BACH2: variants seen among roughly 807,000 people sequenced by gnomAD.
BACH2 encodes transcription regulator protein BACH2.
A neutral mutation model predicts 61.8 loss-of-function variants in BACH2; 5 were observed. The ratio of observed to expected loss-of-function variants is 0.08; its 90% CI spans 0.04 to 0.17. The LOEUF (loss-of-function observed/expected upper bound fraction) is 0.17. Ranked by LOEUF, BACH2 falls within the 10% of genes least tolerant of loss-of-function variation. BACH2 has a pLI of 1.00. For synonymous variants in BACH2, 446 were observed against 440.1 expected (o/e 1.01, Z -0.17); for missense variants, 824 against 1,091.1 (o/e 0.76, Z 3.45).
intron 4 of BACH2, among the ~76,000 whole-genome samples, chr6:90,196,471 T>C (rs1377295336): frequency 6.6e-6 from 1 of 152,212 alleles, no homozygotes; most frequent in Admixed American, 6.5e-5. Flanking sequence ...AAAATTTCAA[T>C]TGTTTAATAT....
intron 6 of BACH2, among the ~76,000 whole-genome samples, chr6:89,976,224 G>A (rs188318162): frequency 4.6e-5 from 7 of 152,334 alleles, no homozygotes; most frequent in African/African-American, 1.7e-4. Context: ...ACTGGCTTGG[G>A]TGCTCTTTGT....
At chr6:90,118,504 G>T (rs1437177073) in intron 4 of BACH2, among the ~76,000 whole-genome samples, 1 of 152,178 alleles carries the variant, frequency 6.6e-6, no homozygotes, top group Non-Finnish European at 1.5e-5. Context: ...CTCTCAGCTG[G>T]TAAGAGTTTT....
chr6:90,288,522 C>T (rs903853576), intron 1 of BACH2, among the ~76,000 whole-genome samples: 2 of 152,078 alleles, frequency 1.3e-5, no homozygotes, highest in South Asian at 2.1e-4. Flanking sequence ...ATGACAACTT[C>T]GGTGTCTGGC....
chr6:90,106,507 T>C (rs1027014086), intron 4 of BACH2, among the ~76,000 whole-genome samples: 4 of 152,226 alleles, frequency 2.6e-5, no homozygotes, highest in African/African-American at 4.8e-5. Context: ...GACTATACCA[T>C]ACAGCCTAGC....
intron 4 of BACH2, among the ~76,000 whole-genome samples, chr6:90,189,523 G>A (rs991384846): frequency 7.3e-5 from 11 of 151,692 alleles, no homozygotes; most frequent in African/African-American, 2.7e-4. Flanking sequence ...CAGGAGAATG[G>A]CGTGAACCCG....
intron 5 of BACH2, among the ~76,000 whole-genome samples, chr6:90,053,683 T>A (rs958725995): frequency 6.6e-6 from 1 of 152,226 alleles, no homozygotes; most frequent in Admixed American, 6.5e-5. Flanking sequence ...TTGAAGGTTA[T>A]TTTTGCTGAA....
intron 8 of BACH2, among the ~76,000 whole-genome samples, chr6:89,935,976 G>A (rs1234880159): frequency 2.0e-5 from 3 of 152,192 alleles, no homozygotes; most frequent in South Asian, 2.1e-4. Flanking sequence ...GTTGTTTAAC[G>A]ACATTAAACA....
intron 6 of BACH2, among the ~76,000 whole-genome samples, chr6:89,961,689 G>C (rs1461584649): frequency 1.3e-5 from 2 of 152,182 alleles, no homozygotes; most frequent in African/African-American, 4.8e-5. Context: ...TAAGTTTCAG[G>C]AATGGAAGTT....
intron 5 of BACH2, among the ~76,000 whole-genome samples, chr6:90,053,433 C>T (rs1308109624): frequency 6.6e-6 from 1 of 152,132 alleles, no homozygotes; most frequent in Non-Finnish European, 1.5e-5. Context: ...GTATACACCA[C>T]CCATTTGGCT....
Position 89,997,300 on chromosome 6 carries a change from C to T in BACH2, c.243+11302G>A, listed in dbSNP as rs534903404. 1.1e-3 allele frequency among the ~76,000 whole-genome samples: 167 copies of T among 152,304 alleles called. 1 individual carries two copies. The highest frequency in any genetic ancestry group is 3.4e-3 in the Middle Eastern group (1 of 294). ...CACCTTGTGAATTGAATGCATTTAACTCATCCAAAAAAATCTCCAGTTACG... is the reference window on the plus strand; with the variant it reads ...CACCTTGTGAATTGAATGCATTTAATTCATCCAAAAAAATCTCCAGTTACG... On this transcript the variant is annotated intron_variant, in intron 6 of 8. Transcript: ENST00000257749.
At chr6:89,977,312 T>C (rs914989798) in intron 6 of BACH2, among the ~76,000 whole-genome samples, 1 of 152,184 alleles carries the variant, frequency 6.6e-6, no homozygotes, top group African/African-American at 2.4e-5. Context: ...AATCCTAAAT[T>C]CTGCTATTAT....
chr6:90,174,779 A>G (rs767536632), intron 4 of BACH2, among the ~76,000 whole-genome samples: 8 of 152,140 alleles, frequency 5.3e-5, no homozygotes, highest in Non-Finnish European at 8.8e-5. Flanking sequence ...GATAAAACTC[A>G]GAACATTGTG....
chr6:90,038,170 T>C (rs568580172), intron 5 of BACH2, among the ~76,000 whole-genome samples: 1 of 152,354 alleles, frequency 6.6e-6, no homozygotes, highest in African/African-American at 2.4e-5. Context: ...TTTTTGGTAA[T>C]TGTTTTAAAC....
At position 90,158,624 on chromosome 6, in the gene BACH2, G is replaced by A. The variant is rs1468309410; in HGVS notation, c.-162+47945C>T. Among the ~76,000 whole-genome samples the A allele has an allele frequency of 2.6e-5, 4 of 152,038 alleles. No homozygotes were observed. The East Asian group carries it at 5.8e-4, about 22-fold the overall frequency. ...GGCTTCATGATGTGTAGTAAGTAAC[G>A]AGAGACGGGTGGTTGAGCTGGGGGA... is the stretch of plus-strand genomic sequence containing the variant. On this transcript the variant is annotated intron_variant, in intron 4 of 8. Transcript: ENST00000257749.
At chr6:90,002,566 T>A (rs1297394300) in intron 6 of BACH2, among the ~76,000 whole-genome samples, 4 of 152,190 alleles carry the variant, frequency 2.6e-5, no homozygotes, top group African/African-American at 9.6e-5. Context: ...GGTCAGGAGT[T>A]CGAGACCAGC....
At chr6:90,275,239 A>T (rs1771653632) in intron 1 of BACH2, among the ~76,000 whole-genome samples, 1 of 152,226 alleles carries the variant, frequency 6.6e-6, no homozygotes, top group Non-Finnish European at 1.5e-5. Flanking sequence ...GTTCTACTTG[A>T]ACAATTTTTA....
rs990700723 is a variant in BACH2 at position 89,982,307 on chromosome 6, G to A, written c.243+26295C>T. ...AAGAGGCTACAGTGGCAAGTGGGAG[G>A]TGGTCTTGGGCACGTGGGGGTGGGG... On this transcript the variant is annotated intron_variant, in intron 6 of 8. Coordinates refer to ENST00000257749, the MANE Select transcript of BACH2 (RefSeq NM_021813.4). 3.9e-5 allele frequency among the ~76,000 whole-genome samples: 6 copies of A among 152,086 alleles called. 1 individual carries two copies. The highest frequency in any genetic ancestry group is 7.3e-5 in the Non-Finnish European group (5 of 68,028).
rs149716648 is a variant in BACH2, at chr6:90,218,699, C to T, written c.-274-12018G>A. 7.2e-5 allele frequency among the ~76,000 whole-genome samples: 11 copies of T among 151,990 alleles called. No homozygotes were observed. In the East Asian group the frequency reaches 9.7e-4, roughly 13 times the overall value. ...CGAATTACCCGCCTGTCAGGCCTGA[C>T]GGATTTGGCTAAAAATAAAAGGAAA... is the stretch of plus-strand genomic sequence containing the variant. On this transcript the variant is annotated intron_variant, in intron 3 of 8. Coordinates refer to ENST00000257749, the MANE Select transcript of BACH2 (RefSeq NM_021813.4).
chr6:90,073,998 C>T (rs890640010), intron 5 of BACH2, among the ~76,000 whole-genome samples: 1 of 152,108 alleles, frequency 6.6e-6, no homozygotes, highest in Non-Finnish European at 1.5e-5. Flanking sequence ...GAAGAGGTGC[C>T]GCATTTCCTG....
Sources: allele counts gnomAD v4.1 joint callset (sites outside exome capture counted in the v4.1 genomes callset), GRCh38; gene constraint gnomAD v4.1.1; transcripts MANE v1.5; gene names NCBI Gene and HGNC (gene_info 2026-07-23, HGNC 2026-07-21).